TUBB4A: variants seen among roughly 807,000 people sequenced by gnomAD.
The protein encoded by TUBB4A is tubulin beta 4A class IVa, also known as tubulin beta-4A chain.
A neutral mutation model predicts 35.1 loss-of-function variants in TUBB4A; 13 were observed. The ratio of observed to expected loss-of-function variants is 0.37; its 90% CI spans 0.24 to 0.59. The LOEUF (loss-of-function observed/expected upper bound fraction) is 0.59, where lower values mean the gene tolerates loss of function less well. Ranked by LOEUF, TUBB4A falls within the 20% of genes least tolerant of loss-of-function variation. TUBB4A has a pLI of 0.71. For missense variants in TUBB4A, 299 were observed against 647.2 expected (o/e 0.46, Z 5.84); for synonymous variants, 279 against 272.4 (o/e 1.02, Z -0.24).
upstream of TUBB4A, chr19:6,502,407 T>G: frequency 1.7e-6 from 1 of 580,186 alleles, no homozygotes. Context: ...CCCGGGATGA[T>G]GGAGGGGGCT....
chr19:6,500,337 G>C (rs1056362687), intron 3 of TUBB4A, among the ~76,000 whole-genome samples: 5 of 151,446 alleles, frequency 3.3e-5, no homozygotes, highest in Non-Finnish European at 7.4e-5. Flanking sequence ...TCTCACCATG[G>C]TGCCCAGGCT....
intron 3 of TUBB4A, among the ~76,000 whole-genome samples, chr19:6,499,718 C>G (rs8105237): frequency 6.6e-6 from 1 of 152,148 alleles, no homozygotes; most frequent in East Asian, 1.9e-4. Flanking sequence ...ATGAAAACAA[C>G]GACAAATGCT....
In TUBB4A at chr19:6,495,874, C is replaced by T; in HGVS notation, c.625G>A (p.Asp209Asn). The T allele has an allele frequency of 6.2e-7, 1 of 1,614,182 alleles. No homozygotes were observed. Among genetic ancestry groups the T allele is most frequent in the Non-Finnish European group, 8.5e-7 (1 of 1,180,032 alleles). The change falls in exon 4 of 4, where the codon GAC becomes AAC. Residue 209 changes from aspartate (D) to asparagine (N), a missense_variant. Asp to Asn is a conservative substitution (Grantham distance 23, BLOSUM62 1). Transcript: ENST00000264071. The surrounding 1 kb of genome is among the most constrained non-coding windows in gnomAD (Gnocchi z 8.7). ...AGCTTGAGGGTGCGGAAACAGATGTCGTAGAGTGCCTCGTTGTCGATGCAG... is the reference window on the plus strand; with the variant it reads ...AGCTTGAGGGTGCGGAAACAGATGTTGTAGAGTGCCTCGTTGTCGATGCAG... ...TYCIDNEALY[D>N]ICFRTLKLTT...
intron 3 of TUBB4A, 81 bp from the exon 4 acceptor site, chr19:6,496,302 G>T: frequency 7.4e-7 from 1 of 1,356,828 alleles, no homozygotes; most frequent in Non-Finnish European, 1.0e-6. Context: ...CACCTGGAGG[G>T]CCTCTAGTAG....
upstream of TUBB4A, chr19:6,502,350 G>C: frequency 1.0e-6 from 1 of 983,390 alleles, no homozygotes; most frequent in Non-Finnish European, 1.4e-6. Context: ...AGCGGGCGGG[G>C]CACGCGTCAC....
chr19:6,496,313 T>C (rs1914186413), intron 3 of TUBB4A, 92 bp from the exon 4 acceptor site: 1 of 1,201,664 alleles, frequency 8.3e-7, no homozygotes, highest in South Asian at 1.5e-5. Context: ...CCTCTAGTAG[T>C]TGAATACTAG....
At position 6,501,894 on chromosome 19, in the gene TUBB4A, G is replaced by T; in HGVS notation, c.57+262C>A. The T allele has an allele frequency of 1.7e-6, 1 of 587,342 alleles. No individual in the cohort carries two copies. Among genetic ancestry groups the T allele is most frequent in the South Asian group, 2.1e-5 (1 of 48,108 alleles). The allele number at this position is 587,342 out of a possible 1,614,324, so 36.4% of individuals were successfully genotyped here. ...AGGCACCGGGGCTCTTTGTGCGTGA[G>T]GAGGGGACAGTGGCCCAGCTGTGGG... On this transcript the variant is annotated intron_variant, in intron 1 of 3. Coordinates refer to ENST00000264071, the MANE Select transcript of TUBB4A (RefSeq NM_006087.4). The surrounding 1 kb of genome is among the most constrained non-coding windows in gnomAD (Gnocchi z 4.2).
In TUBB4A at chr19:6,501,375, C is replaced by T. The variant is rs150812047; in HGVS notation, c.189G>A (p.Ala63=). The T allele has an allele frequency of 3.2e-3, 5,141 of 1,613,854 alleles. 11 individuals are homozygous for T. The highest frequency in any genetic ancestry group is 3.9e-3 in the Non-Finnish European group (4,650 of 1,179,818). ...EATGGNYVPR[A]VLVDLEPGTM... is the part of the protein sequence containing the mutation. ...TGCCGGGTTCCAGGTCCACCAGCAC[C>T]GCTCTGGGGACATAATTTCCTCCTG... is the stretch of plus-strand genomic sequence containing the variant. The change falls in exon 3 of 4, where the codon GCG becomes GCA. Residue 63 remains alanine, a synonymous_variant. Coordinates refer to ENST00000264071, the MANE Select transcript of TUBB4A (RefSeq NM_006087.4). The surrounding 1 kb of genome is among the most constrained non-coding windows in gnomAD (Gnocchi z 4.2).
chr19:6,501,162 GCTGGTGCCTGGTGCC>G lies in TUBB4A; in HGVS notation c.277+110_277+124del, dbSNP rs1190857174. On this transcript the variant is annotated intron_variant, in intron 3 of 3. Coordinates refer to ENST00000264071, the MANE Select transcript of TUBB4A (RefSeq NM_006087.4). The surrounding 1 kb of genome is among the most constrained non-coding windows in gnomAD (Gnocchi z 4.2). ...CCCTCATCACAGCCCTGGATGCAGG[GCTGGTGCCTGGTGCC>G]CTGTCCACCCCATCTCTGGTCTGTG... is the stretch of plus-strand genomic sequence containing the variant. 1 of 716,888 alleles carries G rather than the reference GCTGGTGCCTGGTGCC, an allele frequency of 1.4e-6. No individual in the cohort carries two copies. The highest frequency in any genetic ancestry group is 2.3e-6 in the Non-Finnish European group (1 of 431,400). The allele number at this position is 716,888 out of a possible 1,614,324, so 44.4% of individuals were successfully genotyped here.
chr19:6,502,310 G>T (rs1314837146), upstream of TUBB4A: 11 of 1,341,754 alleles, frequency 8.2e-6, no homozygotes, highest in East Asian at 8.9e-5. Context: ...GGCGGAGCAC[G>T]GTCCCTGCGC....
chr19:6,502,342 C>A, upstream of TUBB4A: 2 of 1,061,760 alleles, frequency 1.9e-6, no homozygotes, highest in Non-Finnish European at 2.5e-6. Context: ...GCTATATGAG[C>A]GGGCGGGGCA....
chr19:6,502,198 C>T lies in TUBB4A; in HGVS notation c.15G>A (p.Val5=). The change falls in exon 1 of 4, where the codon GTG becomes GTA. Residue 5 remains valine (V), a synonymous_variant. Coordinates refer to ENST00000264071, the MANE Select transcript of TUBB4A (RefSeq NM_006087.4). Reference sequence around the variant, plus strand: ...TGCCGCACTGGCCGGCCTGCAGGTGCACGATCTCCCGCATGGCGGTGGCGC... The same window carrying T: ...TGCCGCACTGGCCGGCCTGCAGGTGTACGATCTCCCGCATGGCGGTGGCGC... The part of the protein sequence containing the change: MREI[V]HLQAGQCGNQ... 6.4e-7 allele frequency: 1 copy of T among 1,570,554 alleles called. No homozygotes were observed. The highest frequency in any genetic ancestry group is 8.6e-7 in the Non-Finnish European group (1 of 1,166,554).
At chr19:6,502,474 C>T, upstream of TUBB4A, 1 of 459,044 alleles carries the variant, frequency 2.2e-6, no homozygotes, top group Non-Finnish European at 3.8e-6. Flanking sequence ...CCAGAGAAGT[C>T]CGGGACGCCA....
At chr19:6,497,022 A>AAAAAAT (rs1914257390) in intron 3 of TUBB4A, among the ~76,000 whole-genome samples, 1 of 28,604 alleles carries the variant, frequency 3.5e-5, no homozygotes, top group Non-Finnish European at 6.3e-5. Flanking sequence ...AAAAAAAAAA[A>AAAAAAT]AAATATATAT....
intron 3 of TUBB4A, among the ~76,000 whole-genome samples, chr19:6,497,494 G>A (rs1914304710): frequency 6.6e-6 from 1 of 151,738 alleles, no homozygotes; most frequent in African/African-American, 2.4e-5. Flanking sequence ...TTGAACTCCT[G>A]AGCTGGAGCA....
At position 6,496,171 on chromosome 19, in the gene TUBB4A, C is replaced by T. The variant is rs1351690636; in HGVS notation, c.328G>A (p.Ala110Thr). 1 of 1,614,098 alleles carries T rather than the reference C, an allele frequency of 6.2e-7. No individual in the cohort carries two copies. Among genetic ancestry groups the T allele is most frequent in the Non-Finnish European group, 8.5e-7 (1 of 1,179,996 alleles). Reference sequence around the variant, plus strand: ...TCCAGGACAGCGTCCACCAGCTCTGCGCCCTCCGTGTAGTGCCCCTTTGCC... The same window carrying T: ...TCCAGGACAGCGTCCACCAGCTCTGTGCCCTCCGTGTAGTGCCCCTTTGCC... ...NWAKGHYTEG[A>T]ELVDAVLDVV... Residue 110 changes from alanine (A) to threonine (T), a missense_variant, in exon 4 of 4, where the codon GCA (alanine) becomes ACA (threonine). Physicochemically the swap from Ala to Thr is moderately conservative, Grantham distance 58. Coordinates refer to ENST00000264071, the MANE Select transcript of TUBB4A (RefSeq NM_006087.4).
chr19:6,498,229 A>G (rs1568411224), intron 3 of TUBB4A, among the ~76,000 whole-genome samples: 1 of 150,622 alleles, frequency 6.6e-6, no homozygotes, highest in Admixed American at 6.6e-5. Flanking sequence ...AAAAAATGGA[A>G]TAAAAAAAAG....
chr19:6,502,135 C>T (rs760867123), intron 1 of TUBB4A, 21 bp downstream of exon 1: 4 of 1,553,282 alleles, frequency 2.6e-6, no homozygotes, highest in East Asian at 2.5e-5. Context: ...ACTGCCTCCC[C>T]GGGCCCCGTT....
Position 6,498,039 on chromosome 19 carries a change from G to A in TUBB4A, c.278-1818C>T, listed in dbSNP as rs142872377. The stretch of plus-strand genomic sequence containing the variant: ...ATCCCGGCTAACACGGTGAAACCCC[G>A]TCTCTACTAAAAATAGAAAAAATTA... On this transcript the variant is annotated intron_variant, in intron 3 of 3. Transcript: ENST00000264071. Among the ~76,000 whole-genome samples, 188 of 151,640 alleles carry A rather than the reference G, an allele frequency of 1.2e-3. 4 individuals are homozygous for A. The East Asian group carries it at 0.033, about 27-fold the overall frequency.
Sources: gnomAD v4.1 joint callset for allele counts (sites outside exome capture counted in the v4.1 genomes callset) on GRCh38, gnomAD v4.1.1 for gene constraint, Gnocchi (gnomAD v3.1) non-coding constraint, MANE v1.5 for transcripts, NCBI Gene and HGNC (gene_info 2026-07-23, HGNC 2026-07-21) for gene names.